Variants in RGS9 observed in about 807,000 individuals in gnomAD.
RGS9 encodes the protein regulator of G protein signaling 9.
RGS9 carries 78 observed loss-of-function variants against 102.0 expected under a neutral mutation model. The ratio of observed to expected loss-of-function variants is 0.76; its 90% CI spans 0.64 to 0.92. The LOEUF is 0.92. Among genes scored for constraint, RGS9 ranks in the 40% least tolerant of loss-of-function variants. The pLI, the probability that RGS9 is intolerant of heterozygous loss-of-function variation, is 0.00. For missense variants in RGS9, 833 were observed against 866.1 expected (o/e 0.96, Z 0.48); for synonymous variants, 353 against 318.6 (o/e 1.11, Z -1.15).
chr17:65,161,698 TTTTATTTATATATTTA>T (rs575776625), intron 6 of RGS9, among the ~76,000 whole-genome samples: 5,697 of 150,318 alleles, frequency 0.038, 363 homozygotes, highest in African/African-American at 0.13. Flanking sequence ...GTGTTTTTAT[TTTTATTTATATATTTA>T]TTTATTTATT....
At chr17:65,187,398 C>G (rs992664309) in intron 9 of RGS9, among the ~76,000 whole-genome samples, 1 of 152,152 alleles carries the variant, frequency 6.6e-6, no homozygotes, top group Non-Finnish European at 1.5e-5. Flanking sequence ...ACTACGTGAG[C>G]CTTACCTTTC....
chr17:65,160,462 C>A (rs968124502), intron 4 of RGS9, 74 bp from the exon 5 acceptor site: 59 of 1,597,814 alleles, frequency 3.7e-5, no homozygotes, highest in Non-Finnish European at 5.0e-5. Flanking sequence ...GGTTGGATTT[C>A]TTTAGTCACA....
chr17:65,154,907 C>G (rs1029900149), intron 2 of RGS9, among the ~76,000 whole-genome samples: 1 of 152,170 alleles, frequency 6.6e-6, no homozygotes, highest in African/African-American at 2.4e-5. Flanking sequence ...ATTTTTCACT[C>G]AAGGTGCCCT....
At chr17:65,209,065 C>G (rs553448072) in intron 16 of RGS9, among the ~76,000 whole-genome samples, 48 of 152,186 alleles carry the variant, frequency 3.2e-4, no homozygotes, top group African/African-American at 1.1e-3. Flanking sequence ...AATGAGGGGA[C>G]AAAAGAGGAG....
At chr17:65,221,532 C>T (rs191864952) in intron 17 of RGS9, among the ~76,000 whole-genome samples, 1 of 152,330 alleles carries the variant, frequency 6.6e-6, no homozygotes, top group Non-Finnish European at 1.5e-5. Flanking sequence ...CTCAGGTTCT[C>T]ATTTAGTCAC....
chr17:65,137,429 C>G lies in RGS9; in HGVS notation c.-112C>G. ...GGCCCGCGCCCTCCCCGCCCAGCCGCCTCCCCGTCGACGCCCAGGGCTGGG... is the reference window on the plus strand; with the variant it reads ...GGCCCGCGCCCTCCCCGCCCAGCCGGCTCCCCGTCGACGCCCAGGGCTGGG... On this transcript the variant is annotated 5_prime_UTR_variant, in exon 1 of 19. Transcript: ENST00000262406. 1 of 1,092,354 alleles carries G rather than the reference C, an allele frequency of 9.2e-7. No individual in the cohort carries two copies. The highest frequency in any genetic ancestry group is 1.4e-6 in the Non-Finnish European group (1 of 722,380). The allele number at this position is 1,092,354 out of a possible 1,614,324, so 67.7% of individuals were successfully genotyped here. A position where few individuals can be genotyped will look rare whatever the true frequency, so the allele number is the denominator to read the frequency against.
chr17:65,225,180 C>A lies in RGS9; in HGVS notation c.1586C>A (p.Ala529Asp). 4 of 1,613,570 alleles carry A rather than the reference C, an allele frequency of 2.5e-6. No homozygotes were observed. Among genetic ancestry groups the A allele is most frequent in the Non-Finnish European group, 3.4e-6 (4 of 1,180,026 alleles). ...ATCTGCCCCTCACCCATCAGAGTGG[C>A]CTTGGAGAGCTCATCGGGCTTGGAG... Reference protein sequence around the residue: ...TTICPSPIRVALESSSGLEQK... With the variant: ...TTICPSPIRVDLESSSGLEQK... Residue 529 changes from alanine (A) to aspartate (D), a missense_variant, in exon 18 of 19, where the codon GCC becomes GAC. Around this residue, in one of 3 missense-constraint regions of RGS9, gnomAD observed 320 missense variants for 276.8 expected, o/e 1.16. Coordinates refer to ENST00000262406, the MANE Select transcript of RGS9 (RefSeq NM_003835.4).
intron 12 of RGS9, among the ~76,000 whole-genome samples, chr17:65,194,578 G>C (rs936116472): frequency 6.7e-6 from 1 of 150,254 alleles, no homozygotes; most frequent in African/African-American, 2.5e-5. Context: ...CTTACCCTTT[G>C]GCTTTTTTTT....
At chr17:65,178,171 A>C (rs1164269379) in intron 9 of RGS9, among the ~76,000 whole-genome samples, 1 of 152,192 alleles carries the variant, frequency 6.6e-6, no homozygotes, top group Non-Finnish European at 1.5e-5. Context: ...AGTTTCAGCC[A>C]GTTCCTTGAT....
At chr17:65,211,748 T>A (rs945017022) in intron 17 of RGS9, among the ~76,000 whole-genome samples, 3 of 152,238 alleles carry the variant, frequency 2.0e-5, no homozygotes, top group Non-Finnish European at 4.4e-5. Context: ...ATTCAGCACG[T>A]CTATTGAGCA....
rs1160324747 is a variant in RGS9, at chr17:65,173,381, CG to C, written c.583-4350del. On this transcript the variant is annotated intron_variant, in intron 8 of 18. Coordinates refer to ENST00000262406, the MANE Select transcript of RGS9 (RefSeq NM_003835.4). This position sits in a 1 kb window ranked among gnomAD's most constrained non-coding sequence, Gnocchi z 4.8. ...GCAGGGGGACACGGTGGAGTACCAC[CG>C]AGAAGTGTCCGTCAGCTCCACGCTG... is the stretch of plus-strand genomic sequence containing the variant. Among the ~76,000 whole-genome samples, 3 of 152,096 alleles carry C rather than the reference CG, an allele frequency of 2.0e-5. No individual in the cohort carries two copies. The highest frequency in any genetic ancestry group is 7.2e-5 in the African/African-American group (3 of 41,412).
At chr17:65,147,416 C>A (rs917595668) in intron 1 of RGS9, among the ~76,000 whole-genome samples, 1 of 151,904 alleles carries the variant, frequency 6.6e-6, no homozygotes, top group African/African-American at 2.4e-5. Context: ...GGGAATCTCA[C>A]CCCTCAGCAT....
At chr17:65,167,072 AG>A (rs1911214397) in intron 7 of RGS9, among the ~76,000 whole-genome samples, 1 of 152,190 alleles carries the variant, frequency 6.6e-6, no homozygotes, top group Non-Finnish European at 1.5e-5. Context: ...ATGGTACAGA[AG>A]GGGGCCCACG....
intron 17 of RGS9, among the ~76,000 whole-genome samples, chr17:65,214,891 G>A (rs1913429944): frequency 6.6e-6 from 1 of 152,206 alleles, no homozygotes; most frequent in Admixed American, 6.5e-5. Flanking sequence ...TCCACCCCTG[G>A]CTGATTTAGA....
intron 8 of RGS9, among the ~76,000 whole-genome samples, chr17:65,172,776 C>T (rs1053081657): frequency 1.3e-5 from 2 of 152,018 alleles, no homozygotes; most frequent in South Asian, 2.1e-4. Flanking sequence ...AGGGGCTCTG[C>T]GTCCGGTTGG....
At chr17:65,171,769 T>C (rs1429360230) in intron 8 of RGS9, among the ~76,000 whole-genome samples, 1 of 152,218 alleles carries the variant, frequency 6.6e-6, no homozygotes, top group Non-Finnish European at 1.5e-5. Context: ...AGGAAAACGA[T>C]GTTTCTCACC....
At chr17:65,201,206 G>A (rs9890021) in intron 13 of RGS9, among the ~76,000 whole-genome samples, 30,268 of 152,098 alleles carry the variant, frequency 0.2, 5,061 homozygotes, top group African/African-American at 0.43. Flanking sequence ...GAACATATGC[G>A]TGGTACCTCT....
At chr17:65,210,233 T>C (rs1913238320) in intron 16 of RGS9, among the ~76,000 whole-genome samples, 1 of 152,236 alleles carries the variant, frequency 6.6e-6, no homozygotes, top group African/African-American at 2.4e-5. Flanking sequence ...AGAAGTTCAA[T>C]GCAACTTCGC....
intron 14 of RGS9, among the ~76,000 whole-genome samples, chr17:65,202,444 TGAGAGAGAGAGA>T (rs1555616144): frequency 7.6e-6 from 1 of 131,708 alleles, no homozygotes; most frequent in Non-Finnish European, 1.6e-5. Flanking sequence ...TGTGTGTGTG[TGAGAGAGAGAGA>T]GAGAGAGAGA....
Sources: gnomAD v4.1 joint callset for allele counts (sites outside exome capture counted in the v4.1 genomes callset) on GRCh38, gnomAD v4.1.1 for gene constraint, gnomAD v4.1.1 regional missense constraint, Gnocchi (gnomAD v3.1) non-coding constraint, MANE v1.5 for transcripts, NCBI Gene and HGNC (gene_info 2026-07-23, HGNC 2026-07-21) for gene names.